The following SLC4A8 variants were observed in gnomAD, a reference collection of about 807,000 sequenced individuals.
SLC4A8 encodes solute carrier family 4 member 8.
In SLC4A8, 40 loss-of-function variants were observed where a neutral mutation model predicts 125.0. The observed-to-expected ratio is 0.32, with a 90% CI of 0.25 to 0.42. The LOEUF (loss-of-function observed/expected upper bound fraction) is 0.42. SLC4A8 is among the 10% of genes least tolerant of loss of function. The pLI is 1.00. For missense variants in SLC4A8, 863 were observed against 1,355.1 expected, an observed-to-expected ratio of 0.64 and a Z score of 5.70; for synonymous variants, 456 against 476.0, an observed-to-expected ratio of 0.96 and a Z score of 0.55.
At chr12:51,501,118 C>T (rs776139782) in intron 22 of SLC4A8, among the ~76,000 whole-genome samples, 1 of 152,100 alleles carries the variant, frequency 6.6e-6, no homozygotes, top group Non-Finnish European at 1.5e-5. Context: ...CGTGAGCCAC[C>T]GTGCCCGGCC....
rs954355368 is a variant in SLC4A8 at position 51,407,416 on chromosome 12, T to C, written c.-112+15928T>C. Among the ~76,000 whole-genome samples the C allele has an allele frequency of 8.3e-4, 125 of 151,402 alleles. 1 individual carries two copies. Among genetic ancestry groups the C allele is most frequent in the Non-Finnish European group, 1.5e-4 (10 of 67,950 alleles). On this transcript the variant is annotated intron_variant, in intron 1 of 24. Coordinates refer to the SLC4A8 transcript ENST00000358657. Reference sequence around the variant, plus strand: ...CACTACAGGCATGCATCACCATACCTGGCTAATTATAAAAAAAATTTTTTT... The same window carrying C: ...CACTACAGGCATGCATCACCATACCCGGCTAATTATAAAAAAAATTTTTTT...
chr12:51,463,410 G>GT (rs1950407096), intron 10 of SLC4A8, among the ~76,000 whole-genome samples: 1 of 144,028 alleles, frequency 6.9e-6, no homozygotes, highest in African/African-American at 2.6e-5. Context: ...GAAATTATGG[G>GT]GTGTGTGTGT....
Position 51,400,775 on chromosome 12 carries a change from TATACATACATAC to T in SLC4A8, c.-112+9289_-112+9300del, listed in dbSNP as rs1230484990. On this transcript the variant is annotated intron_variant, in intron 1 of 24. Transcript: ENST00000358657. Reference sequence around the variant, plus strand: ...ATATATATATATATATATATATATATATACATACATACACACACACACACACATATATAAACA... The same window carrying T: ...ATATATATATATATATATATATATATACACACACACACACATATATAAACA... 8.1e-3 allele frequency among the ~76,000 whole-genome samples: 42 copies of T among 5,212 alleles called. 5 individuals carry two copies. The highest frequency in any genetic ancestry group is 0.059 in the East Asian group (8 of 136). The allele number at this position is 5,212 out of a possible 152,430, so 3.4% of individuals were successfully genotyped here.
chr12:51,409,223 G>C (rs1411933267), intron 1 of SLC4A8, among the ~76,000 whole-genome samples: 2 of 151,966 alleles, frequency 1.3e-5, no homozygotes, highest in African/African-American at 2.4e-5. Flanking sequence ...TTTCCTACCA[G>C]ATACACAGTT....
chr12:51,452,028 C>CTA, intron 3 of SLC4A8, 96 bp from the exon 4 acceptor site: 10 of 1,138,232 alleles, frequency 8.8e-6, no homozygotes, highest in Non-Finnish European at 1.3e-5. Context: ...TCGTGGTTGT[C>CTA]TATATATATT....
intron 2 of SLC4A8, among the ~76,000 whole-genome samples, chr12:51,446,751 T>C (rs575130712): frequency 1.3e-5 from 2 of 152,324 alleles, no homozygotes; most frequent in East Asian, 3.9e-4. Flanking sequence ...AGAGGCCCTC[T>C]TAGGTGAGAT....
chr12:51,424,058 A>C (rs200301847), upstream of SLC4A8, among the ~76,000 whole-genome samples: 283 of 54,124 alleles, frequency 5.2e-3, 11 homozygotes, highest in East Asian at 0.056. Context: ...AAAAAACAAA[A>C]AAAACAACAA....
chr12:51,399,371 CA>C (rs547384201), intron 1 of SLC4A8, among the ~76,000 whole-genome samples: 69 of 152,362 alleles, frequency 4.5e-4, no homozygotes, highest in Middle Eastern at 6.8e-3. Context: ...TCCCCAAAGG[CA>C]GCCACTGTTA....
chr12:51,470,425 A>T lies in SLC4A8; in HGVS notation c.1558A>T (p.Thr520Ser). 1 of 1,614,022 alleles carries T rather than the reference A, an allele frequency of 6.2e-7. No individual in the cohort carries two copies. The highest frequency in any genetic ancestry group is 8.5e-7 in the Non-Finnish European group (1 of 1,179,906). ...TGAATCCTTGTTTGGAGCTTCCATG[A>T]CTGGGATTGCTTATTCCTTGTTTGC... The part of the protein sequence containing the change: ...AIESLFGASM[T>S]GIAYSLFAGQ... The change falls in exon 13 of 25, where the codon ACT (threonine) becomes TCT (serine). Residue 520 changes from threonine (T) to serine (S), a missense_variant. Coordinates refer to ENST00000453097, the MANE Select transcript of SLC4A8 (RefSeq NM_001039960.3).
chr12:51,463,466 A>G, intron 10 of SLC4A8, 148 bp from the exon 11 acceptor site: 2 of 589,852 alleles, frequency 3.4e-6, no homozygotes. Context: ...TAAAGTCAAT[A>G]AACTGCATCA....
At chr12:51,471,174 G>A in intron 13 of SLC4A8, 113 bp from the exon 14 acceptor site, 1 of 962,808 alleles carries the variant, frequency 1.0e-6, no homozygotes, top group Non-Finnish European at 1.6e-6. Flanking sequence ...CAGAATTAGG[G>A]ATAAACTGGG....
intron 1 of SLC4A8, among the ~76,000 whole-genome samples, chr12:51,394,303 A>C (rs552641882): frequency 6.6e-6 from 1 of 152,270 alleles, no homozygotes; most frequent in Non-Finnish European, 1.5e-5. Flanking sequence ...CTGATTTTAA[A>C]TGTGACTTGG....
intron 22 of SLC4A8, among the ~76,000 whole-genome samples, chr12:51,501,621 G>C (rs1020885294): frequency 2.6e-5 from 4 of 152,170 alleles, no homozygotes; most frequent in African/African-American, 9.7e-5. Context: ...AAATATATGA[G>C]TGCAGATGTC....
At chr12:51,407,230 G>C (rs1010939035) in intron 1 of SLC4A8, among the ~76,000 whole-genome samples, 3 of 152,124 alleles carry the variant, frequency 2.0e-5, no homozygotes, top group Non-Finnish European at 4.4e-5. Context: ...TGTTGCATTA[G>C]AGATTAAATT....
At chr12:51,408,220 C>G (rs1015162231) in intron 1 of SLC4A8, among the ~76,000 whole-genome samples, 1 of 152,028 alleles carries the variant, frequency 6.6e-6, no homozygotes, top group Admixed American at 6.6e-5. Flanking sequence ...ACAATTCAAT[C>G]TATAATGGGT....
upstream of SLC4A8, chr12:51,422,016 G>C (rs1257904419): frequency 6.6e-6 from 1 of 152,186 alleles, no homozygotes; most frequent in Non-Finnish European, 1.5e-5. Context: ...TGAGGCCAAG[G>C]ACACTGTCTT....
intron 1 of SLC4A8, among the ~76,000 whole-genome samples, chr12:51,408,538 A>G (rs765606872): frequency 6.6e-6 from 1 of 152,192 alleles, no homozygotes; most frequent in Non-Finnish European, 1.5e-5. Flanking sequence ...CGCCCGGCCT[A>G]TAATGGGTTT....
At position 51,452,438 on chromosome 12, in the gene SLC4A8, G is replaced by T. The variant is rs550286755; in HGVS notation, c.413+179G>T. 1.2e-4 allele frequency among the ~76,000 whole-genome samples: 19 copies of T among 152,314 alleles called. No individual in the cohort carries two copies. In the East Asian group the frequency reaches 3.5e-3, roughly 28 times the overall value. On this transcript the variant is annotated intron_variant, in intron 4 of 24. Transcript: ENST00000453097. Reference sequence around the variant, plus strand: ...GTGTTGGCATCTTTATGATGTCTTTGGTGTTACCTATGCCAGTTGACCTGG... The same window carrying T: ...GTGTTGGCATCTTTATGATGTCTTTTGTGTTACCTATGCCAGTTGACCTGG...
intron 16 of SLC4A8, among the ~76,000 whole-genome samples, chr12:51,485,346 A>G (rs1951134195): frequency 6.6e-6 from 1 of 152,120 alleles, no homozygotes; most frequent in Non-Finnish European, 1.5e-5. Flanking sequence ...GGTGGTAAGA[A>G]GTGATCAGAC....
Sources: gnomAD v4.1 joint callset for allele counts (sites outside exome capture counted in the v4.1 genomes callset) on GRCh38, gnomAD v4.1.1 for gene constraint, MANE v1.5 for transcripts, NCBI Gene and HGNC (gene_info 2026-07-23, HGNC 2026-07-21) for gene names.